The following GON4L variants were observed in gnomAD, a reference collection of about 807,000 sequenced individuals.
GON4L encodes the protein GON-4-like protein.
A neutral mutation model predicts 211.8 loss-of-function variants in GON4L; 87 were observed. The ratio of observed to expected loss-of-function variants is 0.41; its 90% CI spans 0.35 to 0.49. The LOEUF (loss-of-function observed/expected upper bound fraction) is 0.49, where lower values mean the gene tolerates loss of function less well. Ranked by LOEUF, GON4L falls within the 20% of genes least tolerant of loss-of-function variation. The pLI is 0.15. For missense variants in GON4L, 2,155 were observed against 2,659.5 expected (o/e 0.81, Z 4.17); for synonymous variants, 875 against 962.6 (o/e 0.91, Z 1.68).
At chr1:155,779,120 C>T (rs905313325) in intron 14 of GON4L, among the ~76,000 whole-genome samples, 1 of 150,986 alleles carries the variant, frequency 6.6e-6, no homozygotes, top group African/African-American at 2.4e-5. Context: ...TGGGCGCAGT[C>T]GTGGGGGCCT....
downstream of GON4L, among the ~76,000 whole-genome samples, chr1:155,745,364 G>C (rs780862845): frequency 2.6e-5 from 4 of 152,238 alleles, no homozygotes; most frequent in Non-Finnish European, 5.9e-5. Context: ...GAAGAGTCGT[G>C]ATCCGTGTGA....
At chr1:155,764,727 C>A in intron 21 of GON4L, 1 of 1,060,036 alleles carries the variant, frequency 9.4e-7, no homozygotes, top group Non-Finnish European at 1.4e-6. Context: ...GAGTGAGCCA[C>A]CAAGCCCAGC....
intron 12 of GON4L, among the ~76,000 whole-genome samples, chr1:155,789,948 T>C (rs1044525194): frequency 6.6e-6 from 1 of 152,300 alleles, no homozygotes; most frequent in Non-Finnish European, 1.5e-5. Context: ...TATTTATTTA[T>C]TTGAGACAAG....
At chr1:155,821,425 G>A (rs370210593) in intron 5 of GON4L, 49 bp downstream of exon 5, 1 of 1,154,234 alleles carries the variant, frequency 8.7e-7, no homozygotes, top group African/African-American at 1.5e-5. Context: ...AGCCAGTTTA[G>A]AGATAACTCT....
At chr1:155,822,819 G>T (rs1333460928) in intron 3 of GON4L, among the ~76,000 whole-genome samples, 1 of 152,122 alleles carries the variant, frequency 6.6e-6, no homozygotes, top group African/African-American at 2.4e-5. Context: ...TTGAGACGGA[G>T]TTTTCGCTCT....
chr1:155,813,582 A>G (rs1176683749), intron 10 of GON4L, 52 bp downstream of exon 10: 1 of 1,331,864 alleles, frequency 7.5e-7, no homozygotes, highest in African/African-American at 1.4e-5. Context: ...CCTGAGCAAC[A>G]ACTACATTAC....
intron 19 of GON4L, among the ~76,000 whole-genome samples, chr1:155,769,251 C>T (rs1222910734): frequency 2.6e-5 from 4 of 152,062 alleles, no homozygotes; most frequent in Non-Finnish European, 5.9e-5. Flanking sequence ...CCTGGGATTA[C>T]AGGCCTGAGC....
At chr1:155,792,883 A>C (rs1023959108) in intron 12 of GON4L, among the ~76,000 whole-genome samples, 2 of 151,994 alleles carry the variant, frequency 1.3e-5, no homozygotes, top group African/African-American at 4.8e-5. Flanking sequence ...CAGCTTCCCA[A>C]GTAGCTGGGA....
intron 2 of GON4L, chr1:155,831,404 TG>T (rs1669751842): frequency 2.0e-5 from 3 of 152,198 alleles, no homozygotes; most frequent in Admixed American, 2.0e-4. Flanking sequence ...GAGCCATTAT[TG>T]TGCTACTGCA....
chr1:155,765,461 C>T lies in GON4L; in HGVS notation c.4012G>A (p.Gly1338Arg), dbSNP rs1246482203. 5 of 1,614,150 alleles carry T rather than the reference C, an allele frequency of 3.1e-6. No individual in the cohort carries two copies. Among genetic ancestry groups the T allele is most frequent in the Non-Finnish European group, 4.2e-6 (5 of 1,180,012 alleles). ...TCACAAATATCACGCTCAGGGGATC[C>T]ACTGATTTCCTCTCTAGCTTCTTCA... ...EPEEAREEIS[G>R]SPERDICDDI... The change falls in exon 21 of 32, where the codon GGA (glycine) becomes AGA (arginine). Residue 1338 changes from glycine (G) to arginine (R), a missense_variant. Gly to Arg is a moderately radical substitution (Grantham distance 125). This residue lies in a region of GON4L where 615 missense variants were observed against 625.7 expected (regional missense o/e 0.98). Transcript: ENST00000368331.
At chr1:155,824,573 T>C (rs1159285388) in intron 3 of GON4L, among the ~76,000 whole-genome samples, 1 of 143,222 alleles carries the variant, frequency 7.0e-6, no homozygotes, top group Non-Finnish European at 1.5e-5. Context: ...TGAAACCCCA[T>C]CTCTACTAAA....
intron 3 of GON4L, among the ~76,000 whole-genome samples, chr1:155,823,720 C>T (rs1668925449): frequency 6.6e-6 from 1 of 151,990 alleles, no homozygotes; most frequent in African/African-American, 2.4e-5. Flanking sequence ...CATGGTGAAA[C>T]CTCGTCTCTA....
rs61248477 is a variant in GON4L, at chr1:155,807,703, CAAAA to C, written c.1453-2566_1453-2563del. The stretch of plus-strand genomic sequence containing the variant: ...TGGGTGACAGAGCCAGACTCCGTCT[CAAAA>C]AAAAAAAAAAAAAAAAAAGAAAATC... On this transcript the variant is annotated intron_variant, in intron 10 of 31. Coordinates refer to ENST00000368331, the MANE Select transcript of GON4L (RefSeq NM_001282860.2). 7.6e-5 allele frequency among the ~76,000 whole-genome samples: 4 copies of C among 52,910 alleles called. No individual in the cohort carries two copies. The Admixed American group carries it at 1.1e-3, about 15-fold the overall frequency. The allele number at this position is 52,910 out of a possible 152,430, so 34.7% of individuals were successfully genotyped here.
intron 2 of GON4L, chr1:155,831,490 TAAA>T: frequency 7.1e-6 from 1 of 141,758 alleles, no homozygotes; most frequent in East Asian, 1.9e-4. Context: ...AATAAATAAA[TAAA>T]TAAATAAAAA....
intron 2 of GON4L, among the ~76,000 whole-genome samples, chr1:155,841,860 T>G (rs1424630007): frequency 6.6e-6 from 1 of 152,112 alleles, no homozygotes; most frequent in Non-Finnish European, 1.5e-5. Flanking sequence ...AAACCCCATC[T>G]CTACTAAAAA....
At position 155,771,100 on chromosome 1, in the gene GON4L, G is replaced by T; in HGVS notation, c.2613C>A (p.Leu871=). The T allele has an allele frequency of 6.2e-7, 1 of 1,614,162 alleles. No homozygotes were observed. The highest frequency in any genetic ancestry group is 8.5e-7 in the Non-Finnish European group (1 of 1,180,028). ...AHQLTVRIKN[L]NMNRAPDNII... is the part of the protein sequence containing the mutation. Reference sequence around the variant, plus strand: ...TGTTGTCAGGAGCTCTGTTCATGTTGAGGTTCTTGATTCTCACTGTCAGTT... The same window carrying T: ...TGTTGTCAGGAGCTCTGTTCATGTTTAGGTTCTTGATTCTCACTGTCAGTT... Residue 871 remains leucine (L), a synonymous_variant, in exon 19 of 32, where the codon CTC becomes CTA. Coordinates refer to ENST00000368331, the MANE Select transcript of GON4L (RefSeq NM_001282860.2).
intron 22 of GON4L, among the ~76,000 whole-genome samples, chr1:155,762,615 A>G (rs920303535): frequency 2.0e-5 from 3 of 152,248 alleles, no homozygotes; most frequent in Non-Finnish European, 4.4e-5. Context: ...TGAGAAAGGA[A>G]GTCTAAAGAG....
At chr1:155,848,611 C>A (rs1485064976) in intron 2 of GON4L, among the ~76,000 whole-genome samples, 1 of 152,170 alleles carries the variant, frequency 6.6e-6, no homozygotes, top group Non-Finnish European at 1.5e-5. Flanking sequence ...TCCTGTGAAT[C>A]CTTCAAGCTC....
intron 12 of GON4L, among the ~76,000 whole-genome samples, chr1:155,787,480 ATT>A (rs903164370): frequency 2.6e-5 from 4 of 152,202 alleles, no homozygotes; most frequent in African/African-American, 9.7e-5. Context: ...CATTAAAAAA[ATT>A]AAGATCCAGG....
Sources: gnomAD v4.1 joint callset for allele counts (sites outside exome capture counted in the v4.1 genomes callset) on GRCh38, gnomAD v4.1.1 for gene constraint, gnomAD v4.1.1 regional missense constraint, MANE v1.5 for transcripts, NCBI Gene and HGNC (gene_info 2026-07-23, HGNC 2026-07-21) for gene names.